The following TTC23 variants were observed in gnomAD, a reference collection of about 807,000 sequenced individuals.
TTC23 encodes tetratricopeptide repeat domain 23, also known as tetratricopeptide repeat protein 23.
TTC23 carries 58 observed loss-of-function variants against 55.1 expected under a neutral mutation model. The ratio of observed to expected loss-of-function variants is 1.05; its 90% confidence interval spans 0.85 to 1.31. The LOEUF (loss-of-function observed/expected upper bound fraction) is 1.31, where lower values mean the gene tolerates loss of function less well. Ranked by LOEUF, TTC23 falls within the 50% of genes most tolerant of loss-of-function variation. TTC23 has a pLI of 0.00. For missense variants in TTC23, 516 were observed against 534.4 expected (o/e 0.97, Z 0.34); for synonymous variants, 203 against 199.9 (o/e 1.02, Z -0.13).
At chr15:99,233,158 A>G (rs1596979382) in intron 4 of TTC23, among the ~76,000 whole-genome samples, 1 of 152,332 alleles carries the variant, frequency 6.6e-6, no homozygotes, top group African/African-American at 2.4e-5. Context: ...CAAGAGATCT[A>G]TTGTATAACA....
At chr15:99,215,658 A>G (rs989073731) in intron 8 of TTC23, among the ~76,000 whole-genome samples, 2 of 152,150 alleles carry the variant, frequency 1.3e-5, no homozygotes. Flanking sequence ...AGATGAGAGG[A>G]TTGCTTGAGC....
chr15:99,138,157 T>C (rs781972668), intron 13 of TTC23, 30 bp from the exon 14 acceptor site: 1 of 1,609,862 alleles, frequency 6.2e-7, no homozygotes, highest in South Asian at 1.1e-5. Context: ...GGGGTGAGTG[T>C]GGTGCCCCTC....
intron 12 of TTC23, among the ~76,000 whole-genome samples, chr15:99,144,028 A>C (rs2151840526): frequency 6.6e-6 from 1 of 152,168 alleles, no homozygotes; most frequent in East Asian, 1.9e-4. Flanking sequence ...GTGGTGTGAA[A>C]AGCCCTCGAA....
chr15:99,218,506 A>G, intron 8 of TTC23, 82 bp downstream of exon 8: 2 of 1,575,056 alleles, frequency 1.3e-6, no homozygotes, highest in Non-Finnish European at 1.7e-6. Flanking sequence ...CCTCATGGAG[A>G]TGCTCCTCCT....
intron 10 of TTC23, among the ~76,000 whole-genome samples, chr15:99,165,741 C>T (rs1408995696): frequency 6.6e-6 from 1 of 151,808 alleles, no homozygotes; most frequent in Non-Finnish European, 1.5e-5. Context: ...GCTGCCCATG[C>T]GAGAAAACGT....
At chr15:99,234,175 T>C (rs1433449262) in intron 4 of TTC23, among the ~76,000 whole-genome samples, 3 of 152,228 alleles carry the variant, frequency 2.0e-5, no homozygotes, top group South Asian at 4.1e-4. Context: ...ACATAACCAA[T>C]TGGATTTCAT....
At chr15:99,218,266 C>T (rs190906042) in intron 8 of TTC23, among the ~76,000 whole-genome samples, 128 of 151,720 alleles carry the variant, frequency 8.4e-4, no homozygotes, top group African/African-American at 2.9e-3. Flanking sequence ...TGGAGCAGGG[C>T]AGGGAAAAAA....
chr15:99,242,390 A>G (rs12911898), intron 2 of TTC23, among the ~76,000 whole-genome samples: 29,582 of 152,148 alleles, frequency 0.19, 3,160 homozygotes, highest in East Asian at 0.39. Context: ...CCAGGCTCAG[A>G]TGGCATCAGT....
At chr15:99,218,811 T>A (rs2077674304) in intron 7 of TTC23, 87 bp downstream of exon 7, 1 of 1,596,666 alleles carries the variant, frequency 6.3e-7, no homozygotes, top group African/African-American at 1.3e-5. Flanking sequence ...ACTTCCTAAG[T>A]CATCCATCAG....
At chr15:99,223,478 A>G (rs1372944311) in intron 5 of TTC23, among the ~76,000 whole-genome samples, 2 of 152,162 alleles carry the variant, frequency 1.3e-5, no homozygotes, top group East Asian at 1.9e-4. Flanking sequence ...TCTACAAACT[A>G]AGGAGAGAGG....
Position 99,228,651 on chromosome 15 carries a change from C to T in TTC23, c.62G>A (p.Ser21Asn). ...TTGGAACTTCTTTCTATGAGTGATG[C>T]TAACAGCAGCAACAACTTCATCTAG... Reference protein sequence around the residue: ...NHLDEVVAAVSITHRKKFQNK... With the variant: ...NHLDEVVAAVNITHRKKFQNK... Residue 21 changes from serine (S) to asparagine (N), a missense_variant, in exon 5 of 14, where the codon AGC (serine) becomes AAC (asparagine). Coordinates refer to ENST00000394132, the MANE Select transcript of TTC23 (RefSeq NM_001288615.3). 3 of 1,613,512 alleles carry T rather than the reference C, an allele frequency of 1.9e-6. No individual in the cohort carries two copies. The highest frequency in any genetic ancestry group is 1.1e-5 in the South Asian group (1 of 90,952).
intron 9 of TTC23, among the ~76,000 whole-genome samples, chr15:99,197,221 G>A (rs141062679): frequency 1.9e-4 from 29 of 151,988 alleles, no homozygotes; most frequent in African/African-American, 6.5e-4. Context: ...TCCTGCCTCA[G>A]CCTCCCGAGT....
chr15:99,139,445 G>A (rs2067963643), intron 12 of TTC23, 46 bp from the exon 13 acceptor site: 1 of 1,612,952 alleles, frequency 6.2e-7, no homozygotes. Context: ...AAGTGTCGCT[G>A]AGAGCAGGAA....
chr15:99,155,860 A>T, intron 12 of TTC23: 1 of 475,882 alleles, frequency 2.1e-6, no homozygotes, highest in Admixed American at 3.6e-5. Context: ...CTCAGTATAG[A>T]GAGAGCACCG....
chr15:99,155,096 A>G (rs1555498520), intron 12 of TTC23, among the ~76,000 whole-genome samples: 1 of 152,226 alleles, frequency 6.6e-6, no homozygotes, highest in Non-Finnish European at 1.5e-5. Context: ...GCAATGAAAG[A>G]ATTAAGCAAT....
intron 12 of TTC23, among the ~76,000 whole-genome samples, chr15:99,154,261 T>C (rs538113520): frequency 6.6e-6 from 1 of 152,324 alleles, no homozygotes; most frequent in East Asian, 1.9e-4. Context: ...AAACAAATAA[T>C]ACATACAAAT....
intron 10 of TTC23, among the ~76,000 whole-genome samples, chr15:99,166,543 G>C (rs1353037845): frequency 1.3e-5 from 2 of 152,194 alleles, no homozygotes; most frequent in East Asian, 3.9e-4. Context: ...GAAGGGAGGA[G>C]AGTGCGGAAG....
intron 1 of TTC23, among the ~76,000 whole-genome samples, chr15:99,246,411 C>T (rs191890783): frequency 2.3e-3 from 353 of 152,116 alleles, no homozygotes; most frequent in African/African-American, 7.8e-3. Context: ...GTCAAGAGTT[C>T]AAGACCAGCC....
At chr15:99,210,034 G>T (rs150649419) in intron 8 of TTC23, among the ~76,000 whole-genome samples, 2 of 152,098 alleles carry the variant, frequency 1.3e-5, no homozygotes, top group African/African-American at 2.4e-5. Context: ...GGGATTACAG[G>T]TGTAAGTCAC....
Sources: allele counts gnomAD v4.1 joint callset (sites outside exome capture counted in the v4.1 genomes callset), GRCh38; gene constraint gnomAD v4.1.1; transcripts MANE v1.5; gene names NCBI Gene and HGNC (gene_info 2026-07-23, HGNC 2026-07-21).